SKAP1: variants seen among roughly 807,000 people sequenced by gnomAD.
The protein encoded by SKAP1 is src kinase associated phosphoprotein 1.
A neutral mutation model predicts 58.5 loss-of-function variants in SKAP1; 44 were observed. The ratio of observed to expected loss-of-function variants is 0.75; its 90% CI spans 0.59 to 0.97. SKAP1 has a LOEUF of 0.97. Ranked by LOEUF, SKAP1 falls within the 50% of genes least tolerant of loss-of-function variation. SKAP1 has a pLI of 0.00. For synonymous variants in SKAP1, 127 were observed against 149.7 expected (o/e 0.85, Z 1.11); for missense variants, 390 against 435.2 (o/e 0.90, Z 0.92).
intron 3 of SKAP1, among the ~76,000 whole-genome samples, chr17:48,350,794 TTTAGA>T (rs1183581430): frequency 2.6e-5 from 4 of 152,154 alleles, no homozygotes; most frequent in Non-Finnish European, 5.9e-5. Context: ...TATAAGGAAA[TTTAGA>T]TTAATTTAAA....
Position 48,184,729 on chromosome 17 carries a change from G to C in SKAP1, c.561C>G (p.Ser187Arg). 6.2e-7 allele frequency: 1 copy of C among 1,614,046 alleles called. No individual in the cohort carries two copies. The highest frequency in any genetic ancestry group is 8.5e-7 in the Non-Finnish European group (1 of 1,179,964). Residue 187 changes from serine to arginine, a missense_variant, in exon 7 of 13, where the codon AGC (serine) becomes AGG (arginine). Transcript: ENST00000336915. Reference sequence around the variant, plus strand: ...TCTCCTTGATGCGTCCTACCTCATAGCTGCGCCTATCCTGGGAGGTCAGTT... The same window carrying C: ...TCTCCTTGATGCGTCCTACCTCATACCTGCGCCTATCCTGGGAGGTCAGTT... ...CFELTSQDRR[S>R]YEFTATSPAE... is the part of the protein sequence containing the mutation.
intron 3 of SKAP1, among the ~76,000 whole-genome samples, chr17:48,357,165 C>T (rs2066885751): frequency 6.6e-6 from 1 of 152,146 alleles, no homozygotes; most frequent in Non-Finnish European, 1.5e-5. Flanking sequence ...ATAGGGAATA[C>T]AGAAGGCAGC....
chr17:48,170,475 C>T lies in SKAP1; in HGVS notation c.877+134G>A, dbSNP rs1221967159. On this transcript the variant is annotated intron_variant, in intron 10 of 12. Transcript: ENST00000336915. ...CCCTACCCAGTCACTTTATTTAGGG[C>T]TTTGGGGTTCACACACAGGTACCCT... The T allele has an allele frequency of 1.2e-5, 9 of 750,052 alleles. No individual in the cohort carries two copies. In the African/African-American group the frequency reaches 1.4e-4, roughly 12 times the overall value. The allele number at this position is 750,052 out of a possible 1,614,324, so 46.5% of individuals were successfully genotyped here.
Position 48,284,006 on chromosome 17 carries a change from C to T in SKAP1, c.280+61899G>A, listed in dbSNP as rs570230196. ...GGATGTAACTTTGAAATTGTTTGCC[C>T]AGCCTAAACTCAGCTCACAGGTAAA... On this transcript the variant is annotated intron_variant, in intron 4 of 12. Coordinates refer to ENST00000336915, the MANE Select transcript of SKAP1 (RefSeq NM_003726.4). Among the ~76,000 whole-genome samples, 4 of 152,310 alleles carry T rather than the reference C, an allele frequency of 2.6e-5. No homozygotes were observed. In the South Asian group the frequency reaches 6.2e-4, roughly 24 times the overall value.
chr17:48,444,441 A>G, the SKAP1 span, among the ~76,000 whole-genome samples: 1 of 152,326 alleles, frequency 6.6e-6, no homozygotes, highest in African/African-American at 2.4e-5. Context: ...AAAGTTAGCA[A>G]AGGGCACATG....
At chr17:48,406,645 A>T (rs567767262) in intron 1 of SKAP1, among the ~76,000 whole-genome samples, 4 of 152,086 alleles carry the variant, frequency 2.6e-5, no homozygotes, top group African/African-American at 9.6e-5. Context: ...GGCTCACTGC[A>T]ACCTCCGCCT....
intron 4 of SKAP1, among the ~76,000 whole-genome samples, chr17:48,284,245 C>T (rs1481148204): frequency 2.0e-5 from 3 of 152,044 alleles, no homozygotes; most frequent in Admixed American, 1.3e-4. Context: ...AAGTAGGTCA[C>T]GAATAGAACC....
intron 2 of SKAP1, among the ~76,000 whole-genome samples, chr17:48,379,639 T>A (rs562583653): frequency 6.6e-6 from 1 of 152,112 alleles, no homozygotes; most frequent in Non-Finnish European, 1.5e-5. Context: ...TCAAGTTGAT[T>A]TTTTTCCCTA....
chr17:48,405,245 G>T (rs538247946), intron 1 of SKAP1, among the ~76,000 whole-genome samples: 1 of 152,054 alleles, frequency 6.6e-6, no homozygotes, highest in Non-Finnish European at 1.5e-5. Flanking sequence ...TAAAAAGAGG[G>T]ATGAAATTAA....
the SKAP1 span, among the ~76,000 whole-genome samples, chr17:48,444,350 A>G: frequency 6.6e-6 from 1 of 152,206 alleles, no homozygotes; most frequent in East Asian, 1.9e-4. Flanking sequence ...AGATCGTGCC[A>G]CTGCACTCCA....
intron 1 of SKAP1, among the ~76,000 whole-genome samples, chr17:48,423,734 A>G (rs2067822223): frequency 1.3e-5 from 2 of 152,332 alleles, no homozygotes; most frequent in Admixed American, 6.5e-5. Flanking sequence ...TAAGAAATGA[A>G]CAAGTTAAGC....
chr17:48,439,551 G>A, the SKAP1 span, among the ~76,000 whole-genome samples: 1 of 152,206 alleles, frequency 6.6e-6, no homozygotes, highest in Non-Finnish European at 1.5e-5. Context: ...TGAATCTGGT[G>A]TTATTTACCT....
At chr17:48,424,282 G>A (rs1487601713) in intron 1 of SKAP1, among the ~76,000 whole-genome samples, 3 of 135,740 alleles carry the variant, frequency 2.2e-5, no homozygotes, top group Non-Finnish European at 4.6e-5. Context: ...CTGGAGTGCA[G>A]TGGCGCGATC....
chr17:48,359,567 C>T (rs1316620379), intron 3 of SKAP1, among the ~76,000 whole-genome samples: 1 of 152,082 alleles, frequency 6.6e-6, no homozygotes, highest in East Asian at 1.9e-4. Context: ...ATTCACTTAG[C>T]ACTATTTGTT....
At chr17:48,411,903 C>T (rs919966414) in intron 1 of SKAP1, among the ~76,000 whole-genome samples, 2 of 152,100 alleles carry the variant, frequency 1.3e-5, no homozygotes, top group Non-Finnish European at 2.9e-5. Context: ...CTAAACTAAA[C>T]GAGGTATCCT....
At chr17:48,190,199 C>T (rs1022053350) in intron 4 of SKAP1, among the ~76,000 whole-genome samples, 27 of 151,672 alleles carry the variant, frequency 1.8e-4, no homozygotes, top group Admixed American at 5.9e-4. Flanking sequence ...CTCCATCTCC[C>T]GGGCTCATGC....
chr17:48,338,982 C>T (rs1461440219), intron 4 of SKAP1, among the ~76,000 whole-genome samples: 1 of 152,192 alleles, frequency 6.6e-6, no homozygotes, highest in African/African-American at 2.4e-5. Flanking sequence ...GTAAACTCAA[C>T]ACCAAGTCCT....
At chr17:48,319,156 T>C (rs2066327867) in intron 4 of SKAP1, among the ~76,000 whole-genome samples, 1 of 152,180 alleles carries the variant, frequency 6.6e-6, no homozygotes, top group Admixed American at 6.5e-5. Flanking sequence ...ATCTCAGTTG[T>C]TTCTAGTCCC....
chr17:48,371,544 T>C (rs2067085574), intron 2 of SKAP1, among the ~76,000 whole-genome samples: 1 of 149,212 alleles, frequency 6.7e-6, no homozygotes, highest in African/African-American at 2.5e-5. Context: ...TGGTCAGGTG[T>C]GGTGGCTCAC....
Sources: gnomAD v4.1 joint callset for allele counts (sites outside exome capture counted in the v4.1 genomes callset) on GRCh38, gnomAD v4.1.1 for gene constraint, MANE v1.5 for transcripts, NCBI Gene and HGNC (gene_info 2026-07-23, HGNC 2026-07-21) for gene names.